CNGB1: variants seen among roughly 807,000 people sequenced by gnomAD.
The protein encoded by CNGB1 is cyclic nucleotide-gated channel beta-1.
CNGB1 carries 126 observed loss-of-function variants against 151.7 expected under a neutral mutation model. The observed-to-expected ratio is 0.83, with a 90% CI of 0.72 to 0.96. The LOEUF (loss-of-function observed/expected upper bound fraction) is 0.96. Ranked by LOEUF, CNGB1 falls within the 40% of genes least tolerant of loss-of-function variation. The probability of loss-of-function intolerance (pLI) is 0.00; values close to 1 mark genes in which losing one functional copy is unlikely to be tolerated. For synonymous variants in CNGB1, 623 were observed against 635.1 expected (o/e 0.98, Z 0.29); for missense variants, 1,698 against 1,627.0 (o/e 1.04, Z -0.75).
chr16:57,917,491 G>A lies in CNGB1; in HGVS notation c.1958-15C>T. 6.2e-7 allele frequency: 1 copy of A among 1,613,024 alleles called. No individual in the cohort carries two copies. Among genetic ancestry groups the A allele is most frequent in the South Asian group, 1.1e-5 (1 of 91,020 alleles). On this transcript the variant is annotated splice_polypyrimidine_tract_variant and intron_variant, in intron 20 of 32. Coordinates refer to ENST00000251102, the MANE Select transcript of CNGB1 (RefSeq NM_001297.5). The stretch of plus-strand genomic sequence containing the variant: ...ATACATCAGGTCTGTGGGGAAGGTT[G>A]ACGGGGACGCTAGAGCATCAGCCAG...
At chr16:57,952,243 A>C (rs1961966806) in intron 12 of CNGB1, among the ~76,000 whole-genome samples, 1 of 152,312 alleles carries the variant, frequency 6.6e-6, no homozygotes, top group Admixed American at 6.5e-5. Flanking sequence ...AGAGAGGCTG[A>C]GTGTCTTGTC....
At position 57,887,858 on chromosome 16, in the gene CNGB1, T is replaced by C; in HGVS notation, c.3459A>G (p.Glu1153=). ...EAAAKQQELV[E]QAKSSQDVKG... is the part of the protein sequence containing the mutation. ...GCTGGGTTCCCAACCACATTACCTG[T>C]TCCACCAACTCTTGCTGCTTTGCAG... Residue 1153 remains glutamate (E), a synonymous_variant, in exon 32 of 33, where the codon GAA becomes GAG. Transcript: ENST00000251102. The C allele has an allele frequency of 1.9e-6, 3 of 1,614,104 alleles. No homozygotes were observed. In the South Asian group the frequency reaches 3.3e-5, roughly 18 times the overall value.
In CNGB1 at chr16:57,904,794, A is replaced by G. The variant is rs1349731547; in HGVS notation, c.2574T>C (p.Ile858=). ...GLPDPKTLFE[I]VFQLLNYFTG... ...TGAAATAATTCAGCAGCTGGAAGACAATTTCAAAGAGTGTCTTGGGGTCAG... is the reference window on the plus strand; with the variant it reads ...TGAAATAATTCAGCAGCTGGAAGACGATTTCAAAGAGTGTCTTGGGGTCAG... The change falls in exon 26 of 33, where the codon ATT becomes ATC. Residue 858 remains isoleucine (I), a synonymous_variant. Transcript: ENST00000251102. 1.4e-5 allele frequency: 23 copies of G among 1,614,030 alleles called. No homozygotes were observed. Among genetic ancestry groups the G allele is most frequent in the Non-Finnish European group, 1.9e-5 (23 of 1,180,038 alleles).
Position 57,884,058 on chromosome 16 carries a change from T to C in CNGB1, c.*106A>G, listed in dbSNP as rs1959829676. 6.5e-7 allele frequency: 1 copy of C among 1,531,774 alleles called. No homozygotes were observed. Among genetic ancestry groups the C allele is most frequent in the Non-Finnish European group, 9.0e-7 (1 of 1,106,874 alleles). The allele number at this position is 1,531,774 out of a possible 1,614,324, so 94.9% of individuals were successfully genotyped here. On this transcript the variant is annotated 3_prime_UTR_variant, in exon 33 of 33. Coordinates refer to ENST00000251102, the MANE Select transcript of CNGB1 (RefSeq NM_001297.5). ...CTGAGGTCACGACTACGGAAAAGCA[T>C]CTTCTCTTGAGCCGTGGGGGAAGGT...
At chr16:57,962,647 C>A (rs763816015) in intron 6 of CNGB1, 37 bp from the exon 7 acceptor site, 25 of 1,609,588 alleles carry the variant, frequency 1.6e-5, no homozygotes, top group Non-Finnish European at 1.9e-5. Flanking sequence ...CAGTCAGCAG[C>A]GGGAGACCTG....
intron 15 of CNGB1, 98 bp downstream of exon 15, chr16:57,940,136 G>T: frequency 8.2e-7 from 1 of 1,220,944 alleles, no homozygotes. Context: ...CATCTTACCA[G>T]CCAAAACTCC....
chr16:57,958,531 G>T, intron 10 of CNGB1, 46 bp from the exon 11 acceptor site: 1 of 1,540,342 alleles, frequency 6.5e-7, no homozygotes, highest in Non-Finnish European at 9.0e-7. Flanking sequence ...GAAGGGTCAT[G>T]GGTAAACTGA....
intron 23 of CNGB1, among the ~76,000 whole-genome samples, chr16:57,913,349 C>T (rs568564339): frequency 3.7e-4 from 56 of 152,242 alleles, no homozygotes; most frequent in Non-Finnish European, 7.1e-4. Flanking sequence ...ATAAAGAAAA[C>T]AATTTAATAA....
chr16:57,928,338 A>G (rs1961249582), intron 17 of CNGB1, among the ~76,000 whole-genome samples: 1 of 152,250 alleles, frequency 6.6e-6, no homozygotes, highest in South Asian at 2.1e-4. Context: ...TCATGGTGCC[A>G]TTAGGGATAG....
At chr16:57,905,782 G>A (rs1409053025) in intron 25 of CNGB1, among the ~76,000 whole-genome samples, 1 of 152,226 alleles carries the variant, frequency 6.6e-6, no homozygotes, top group East Asian at 1.9e-4. Flanking sequence ...TCCTCTAGTG[G>A]ACACTGTGGC....
rs1185038786 is a variant in CNGB1 at position 57,967,242 on chromosome 16, G to T, written c.45C>A (p.Thr15=). ...CCTCCTGCATCTTGGTCTTCCGAGG[G>T]GTCCCTGGGGGCTGAGGCAGCACCC... ...VQRVLPQPPG[T]PRKTKMQEEE... is the part of the protein sequence containing the mutation. Residue 15 remains threonine, a synonymous_variant, in exon 2 of 33, where the codon ACC becomes ACA. Transcript: ENST00000251102. 1 of 1,614,084 alleles carries T rather than the reference G, an allele frequency of 6.2e-7. No individual in the cohort carries two copies. The highest frequency in any genetic ancestry group is 8.5e-7 in the Non-Finnish European group (1 of 1,180,010).
At chr16:57,963,950 G>C (rs1597016013) in intron 4 of CNGB1, 180 bp downstream of exon 4, 1 of 603,004 alleles carries the variant, frequency 1.7e-6, no homozygotes, top group East Asian at 2.8e-5. Context: ...TACTTAGGGA[G>C]AGCCCGCCCT....
intron 20 of CNGB1, 148 bp from the exon 21 acceptor site, chr16:57,917,624 A>G: frequency 3.1e-6 from 2 of 639,878 alleles, no homozygotes; most frequent in Admixed American, 2.4e-5. Flanking sequence ...GTGTGTGTAT[A>G]TATACACACA....
At chr16:57,898,189 G>A (rs1334283864) in intron 29 of CNGB1, among the ~76,000 whole-genome samples, 2 of 152,146 alleles carry the variant, frequency 1.3e-5, no homozygotes, top group Non-Finnish European at 2.9e-5. Context: ...AATGGGAAGT[G>A]CCAGCTAACC....
chr16:57,887,646 C>A (rs559607911), intron 32 of CNGB1, among the ~76,000 whole-genome samples: 2 of 152,172 alleles, frequency 1.3e-5, no homozygotes, highest in African/African-American at 2.4e-5. Context: ...CTTGCCTGAA[C>A]TTTTCGATTA....
At chr16:57,898,953 T>C (rs1960310352) in intron 29 of CNGB1, among the ~76,000 whole-genome samples, 1 of 152,080 alleles carries the variant, frequency 6.6e-6, no homozygotes, top group Non-Finnish European at 1.5e-5. Context: ...AAAGATGAGG[T>C]CCTTCTAGAC....
At chr16:57,962,132 G>A (rs1286567881) in intron 7 of CNGB1, among the ~76,000 whole-genome samples, 1 of 152,108 alleles carries the variant, frequency 6.6e-6, no homozygotes, top group Non-Finnish European at 1.5e-5. Flanking sequence ...CCCCCTGCCA[G>A]TCTGCCACCC....
At chr16:57,960,350 GC>G in intron 9 of CNGB1, 131 bp downstream of exon 9, 1 of 1,284,292 alleles carries the variant, frequency 7.8e-7, no homozygotes, top group Non-Finnish European at 1.1e-6. Flanking sequence ...CCTGCTCCAG[GC>G]AAGCCCTGAA....
intron 20 of CNGB1, among the ~76,000 whole-genome samples, 167 bp from the exon 21 acceptor site, chr16:57,917,643 C>T (rs1960913243): frequency 1.3e-5 from 2 of 150,060 alleles, no homozygotes; most frequent in South Asian, 2.1e-4. Context: ...CACACACACA[C>T]ACACACATAC....
Sources: allele counts gnomAD v4.1 joint callset (sites outside exome capture counted in the v4.1 genomes callset), GRCh38; gene constraint gnomAD v4.1.1; transcripts MANE v1.5; gene names NCBI Gene and HGNC (gene_info 2026-07-23, HGNC 2026-07-21).